CNTN5: variants seen among roughly 807,000 people sequenced by gnomAD.
CNTN5 encodes the protein contactin 5.
A neutral mutation model predicts 129.1 loss-of-function variants in CNTN5; 77 were observed. The observed-to-expected ratio is 0.60, with a 90% CI of 0.50 to 0.72. The LOEUF (loss-of-function observed/expected upper bound fraction) is 0.72, where lower values mean the gene tolerates loss of function less well. Among genes scored for constraint, CNTN5 ranks in the 30% least tolerant of loss-of-function variants. The pLI is 0.00. For missense variants in CNTN5, 1,478 were observed against 1,328.8 expected, an observed-to-expected ratio of 1.11 and a Z score of -1.75; for synonymous variants, 509 against 465.6, an observed-to-expected ratio of 1.09 and a Z score of -1.20.
At chr11:99,582,945 C>A (rs987371451) in intron 3 of CNTN5, among the ~76,000 whole-genome samples, 7 of 152,252 alleles carry the variant, frequency 4.6e-5, no homozygotes, top group Admixed American at 2.6e-4. Flanking sequence ...TTTTCCCCAT[C>A]TTTGTGGTTT....
At chr11:99,400,576 G>C (rs991427803) in intron 2 of CNTN5, among the ~76,000 whole-genome samples, 32 of 152,040 alleles carry the variant, frequency 2.1e-4, no homozygotes, top group African/African-American at 7.5e-4. Flanking sequence ...ACTGATTTCT[G>C]TTATGGGGGA....
At chr11:99,429,418 T>C (rs1315213515) in intron 2 of CNTN5, among the ~76,000 whole-genome samples, 2 of 152,124 alleles carry the variant, frequency 1.3e-5, no homozygotes, top group Non-Finnish European at 2.9e-5. Flanking sequence ...TCTACTTCAT[T>C]ACCCTAGGCA....
chr11:100,297,519 A>G (rs891380979), intron 18 of CNTN5, 106 bp from the exon 19 acceptor site: 5 of 804,818 alleles, frequency 6.2e-6, no homozygotes, highest in African/African-American at 3.4e-5. Context: ...TTAATCTTTA[A>G]TATGACCATT....
In CNTN5 at chr11:99,959,166, C is replaced by A. The variant is rs539459957; in HGVS notation, c.877+2157C>A. On this transcript the variant is annotated intron_variant, in intron 8 of 24. Coordinates refer to ENST00000524871, the MANE Select transcript of CNTN5 (RefSeq NM_014361.4). ...AATTATACTCTTACCCTGTGACTGC[C>A]TTGAGATTCTGAAAGCTACCTGAAA... Among the ~76,000 whole-genome samples the A allele has an allele frequency of 1.9e-4, 29 of 152,266 alleles. No individual in the cohort carries two copies. The South Asian group carries it at 5.0e-3, about 26-fold the overall frequency.
intron 2 of CNTN5, among the ~76,000 whole-genome samples, chr11:99,338,853 C>T (rs1008398297): frequency 6.9e-6 from 1 of 145,920 alleles, no homozygotes; most frequent in African/African-American, 2.5e-5. Flanking sequence ...ATTATAACAT[C>T]TTTTTTCTAA....
chr11:99,123,963 T>G (rs1344602592), intron 1 of CNTN5, among the ~76,000 whole-genome samples: 1 of 152,012 alleles, frequency 6.6e-6, no homozygotes. Context: ...TAGTATAGTT[T>G]GTGATTCCTC....
chr11:99,577,346 G>A (rs185461162), intron 3 of CNTN5, among the ~76,000 whole-genome samples: 33 of 152,168 alleles, frequency 2.2e-4, no homozygotes, highest in African/African-American at 7.2e-4. Context: ...ACAACCATAT[G>A]CTCTAAATGG....
chr11:99,769,827 A>C (rs989261940), intron 3 of CNTN5, among the ~76,000 whole-genome samples: 2 of 151,882 alleles, frequency 1.3e-5, no homozygotes, highest in African/African-American at 2.4e-5. Flanking sequence ...AAAAAAAAAA[A>C]AACAATCTGA....
At chr11:99,537,877 C>T (rs1947959300) in intron 2 of CNTN5, among the ~76,000 whole-genome samples, 1 of 152,096 alleles carries the variant, frequency 6.6e-6, no homozygotes, top group Non-Finnish European at 1.5e-5. Flanking sequence ...TACTCTAATG[C>T]TTTATCATTA....
At chr11:99,401,681 A>C (rs978217880) in intron 2 of CNTN5, among the ~76,000 whole-genome samples, 2 of 152,130 alleles carry the variant, frequency 1.3e-5, no homozygotes, top group Non-Finnish European at 2.9e-5. Context: ...TAGTATGGAC[A>C]TTTTAACAAT....
intron 2 of CNTN5, among the ~76,000 whole-genome samples, chr11:99,394,818 G>A (rs1941437542): frequency 6.6e-6 from 1 of 151,730 alleles, no homozygotes; most frequent in Non-Finnish European, 1.5e-5. Context: ...TCCAGTGTTA[G>A]TTTGCCAAGA....
chr11:100,223,857 A>G (rs1382452457), intron 15 of CNTN5, among the ~76,000 whole-genome samples: 1 of 152,230 alleles, frequency 6.6e-6, no homozygotes, highest in Non-Finnish European at 1.5e-5. Context: ...ATCACGATAA[A>G]GGAAATCCAT....
chr11:99,031,884 T>C, intron 1 of CNTN5, among the ~76,000 whole-genome samples: 1 of 150,272 alleles, frequency 6.7e-6, no homozygotes, highest in East Asian at 2.0e-4. Flanking sequence ...TCATCTAGCA[T>C]TAGGTATATC....
intron 13 of CNTN5, among the ~76,000 whole-genome samples, chr11:100,114,160 C>G (rs1001366151): frequency 3.9e-5 from 6 of 152,032 alleles, no homozygotes; most frequent in African/African-American, 1.4e-4. Context: ...CTGATGTGTT[C>G]CACTGTATGA....
At chr11:99,887,990 G>A (rs1271009201) in intron 6 of CNTN5, among the ~76,000 whole-genome samples, 2 of 152,028 alleles carry the variant, frequency 1.3e-5, no homozygotes, top group African/African-American at 2.4e-5. Context: ...CAGTCAAGTT[G>A]ACACTCAGTA....
At chr11:99,918,378 A>T (rs1296656751) in intron 7 of CNTN5, among the ~76,000 whole-genome samples, 2 of 152,204 alleles carry the variant, frequency 1.3e-5, no homozygotes, top group Admixed American at 6.6e-5. Context: ...AAAACCAGTT[A>T]TACAGACTGC....
intron 16 of CNTN5, among the ~76,000 whole-genome samples, chr11:100,243,129 G>A (rs11601181): frequency 0.043 from 6,507 of 152,256 alleles, 200 homozygotes; most frequent in Middle Eastern, 0.13. Context: ...TAGTGTGCAC[G>A]TGCGTGTGCA....
At chr11:99,999,939 T>C (rs545131867) in intron 8 of CNTN5, among the ~76,000 whole-genome samples, 1 of 148,456 alleles carries the variant, frequency 6.7e-6, no homozygotes, top group African/African-American at 2.5e-5. Context: ...TTCTCACTCA[T>C]AGATAGGAAC....
chr11:99,768,348 A>C (rs1312306271), intron 3 of CNTN5, among the ~76,000 whole-genome samples: 1 of 152,110 alleles, frequency 6.6e-6, no homozygotes, highest in Non-Finnish European at 1.5e-5. Flanking sequence ...TGTATCTCCT[A>C]AGAAGAACAT....
Sources: gnomAD v4.1 joint callset for allele counts (sites outside exome capture counted in the v4.1 genomes callset) on GRCh38, gnomAD v4.1.1 for gene constraint, MANE v1.5 for transcripts, NCBI Gene and HGNC (gene_info 2026-07-23, HGNC 2026-07-21) for gene names.